The following C3orf49 variants were observed in gnomAD, a reference collection of about 807,000 sequenced individuals.
C3orf49 encodes the protein putative uncharacterized protein C3orf49.
Under a neutral mutation model 13.3 loss-of-function variants are expected in C3orf49, and 27 were observed. That is an observed-to-expected ratio of 2.02 (90% confidence interval 1.49 to 2.79). The LOEUF is 2.79. Among genes scored for constraint, C3orf49 ranks in the 30% most tolerant of loss-of-function variants. The probability of loss-of-function intolerance (pLI) is 0.00; values close to 1 mark genes in which losing one functional copy is unlikely to be tolerated. For synonymous variants in C3orf49, 87 were observed against 47.6 expected, an observed-to-expected ratio of 1.83 and a Z score of -3.40; for missense variants, 242 against 134.2, an observed-to-expected ratio of 1.80 and a Z score of -3.97.
chr3:63,835,253 A>G (rs1371593421), intron 5 of C3orf49: 1 of 1,612,868 alleles, frequency 6.2e-7, no homozygotes, highest in Non-Finnish European at 8.5e-7. Flanking sequence ...ATTTATACAA[A>G]TGACCTGTAT....
chr3:63,815,092 C>G (rs183621028), upstream of C3orf49, among the ~76,000 whole-genome samples: 1 of 152,256 alleles, frequency 6.6e-6, no homozygotes, highest in East Asian at 1.9e-4. Context: ...CTTGCTATCA[C>G]GAGGACAGTA....
chr3:63,843,994 C>T (rs1443673525), intron 5 of C3orf49, among the ~76,000 whole-genome samples: 2 of 151,924 alleles, frequency 1.3e-5, no homozygotes, highest in African/African-American at 2.4e-5. Context: ...CACATACATA[C>T]ATAAACAATG....
At chr3:63,788,741 CA>C in the C3orf49 span, among the ~76,000 whole-genome samples, 2 of 145,982 alleles carry the variant, frequency 1.4e-5, no homozygotes, top group South Asian at 2.3e-4. Flanking sequence ...AAAAAAAAAA[CA>C]AAAAAAACTG....
At chr3:63,820,212 T>A (rs1701376160) in intron 1 of C3orf49, among the ~76,000 whole-genome samples, 1 of 152,160 alleles carries the variant, frequency 6.6e-6, no homozygotes, top group African/African-American at 2.4e-5. Context: ...GGGCTATAGT[T>A]CAGACATGTA....
chr3:63,835,473 T>C (rs1261363034), intron 5 of C3orf49: 22 of 1,253,158 alleles, frequency 1.8e-5, no homozygotes, highest in Non-Finnish European at 2.3e-5. Context: ...AGTTACTAGA[T>C]AGGATTTTTA....
At chr3:63,805,784 T>C in the C3orf49 span, among the ~76,000 whole-genome samples, 1 of 152,122 alleles carries the variant, frequency 6.6e-6, no homozygotes. Flanking sequence ...CATCCTCTGC[T>C]TCAGAGGGAA....
chr3:63,841,433 A>G (rs1701758245), intron 5 of C3orf49, among the ~76,000 whole-genome samples: 1 of 152,244 alleles, frequency 6.6e-6, no homozygotes, highest in East Asian at 1.9e-4. Flanking sequence ...TAAAGTGTGA[A>G]TAATTCCTGG....
At chr3:63,799,787 G>T in the C3orf49 span, among the ~76,000 whole-genome samples, 7 of 152,274 alleles carry the variant, frequency 4.6e-5, no homozygotes, top group Admixed American at 2.6e-4. Context: ...GTGATTTGCA[G>T]TAGTAGAGTA....
intron 3 of C3orf49, among the ~76,000 whole-genome samples, chr3:63,828,392 T>C (rs905427909): frequency 6.6e-6 from 1 of 152,158 alleles, no homozygotes; most frequent in Non-Finnish European, 1.5e-5. Flanking sequence ...CTCCGTCTCC[T>C]GGGTTTAAGT....
chr3:63,789,460 T>C, the C3orf49 span, among the ~76,000 whole-genome samples: 3 of 152,128 alleles, frequency 2.0e-5, no homozygotes, highest in Non-Finnish European at 4.4e-5. Context: ...ACTTTGAATC[T>C]TCATTTTGGG....
At chr3:63,782,074 A>G in the C3orf49 span, among the ~76,000 whole-genome samples, 7 of 152,210 alleles carry the variant, frequency 4.6e-5, 1 homozygote, top group East Asian at 3.9e-4. Flanking sequence ...CTTATAGTGA[A>G]TCACTGTTGA....
the C3orf49 span, among the ~76,000 whole-genome samples, chr3:63,790,572 A>C: frequency 2.0e-5 from 3 of 147,990 alleles, no homozygotes; most frequent in Non-Finnish European, 3.0e-5. Flanking sequence ...AGCCAAGTCT[A>C]GGATCTTGCT....
the C3orf49 span, chr3:63,782,909 A>C: frequency 6.6e-6 from 1 of 152,244 alleles, no homozygotes; most frequent in Non-Finnish European, 1.5e-5. Context: ...TGTTAAGAAC[A>C]CTTCAAAACA....
chr3:63,826,511 T>C (rs1701466039), intron 2 of C3orf49, among the ~76,000 whole-genome samples: 1 of 152,100 alleles, frequency 6.6e-6, no homozygotes, highest in Non-Finnish European at 1.5e-5. Flanking sequence ...CATTCACTAA[T>C]ATAAGGAGCA....
intron 5 of C3orf49, chr3:63,835,292 A>T (rs1211963669): frequency 6.2e-7 from 1 of 1,612,908 alleles, no homozygotes; most frequent in Non-Finnish European, 8.5e-7. Context: ...ACAGATAGAC[A>T]GATCATGAAG....
chr3:63,780,557 C>T, the C3orf49 span, among the ~76,000 whole-genome samples: 8 of 152,166 alleles, frequency 5.3e-5, no homozygotes, highest in African/African-American at 7.2e-5. Flanking sequence ...CCTGAGGAAT[C>T]GCCACACTGA....
chr3:63,797,405 T>C, the C3orf49 span, among the ~76,000 whole-genome samples: 1 of 152,162 alleles, frequency 6.6e-6, no homozygotes, highest in Non-Finnish European at 1.5e-5. Context: ...TATTTCACCA[T>C]GATTCTCTTC....
Position 63,827,667 on chromosome 3 carries a change from G to A in C3orf49, c.512G>A (p.Arg171Gln), listed in dbSNP as rs771355150. ...ATAACCCAGGGAAACACACTCCTTC[G>A]GGCCAGGAGAACCACCAAGCGGTTA... ...EEITQGNTLL[R>Q]ARRTTKRLSV... Residue 171 changes from arginine to glutamine, a missense_variant, in exon 3 of 7, where the codon CGG (arginine) becomes CAG (glutamine). Arg to Gln is a conservative substitution (Grantham distance 43). Coordinates refer to ENST00000295896, the MANE Select transcript of C3orf49 (RefSeq NM_001355236.2). 2.0e-5 allele frequency: 14 copies of A among 702,946 alleles called. No homozygotes were observed. The highest frequency in any genetic ancestry group is 3.1e-5 in the Non-Finnish European group (12 of 385,034). 43.5% of individuals were successfully genotyped at this position (702,946 alleles called of 1,614,324 possible). A position where few individuals can be genotyped will look rare whatever the true frequency, so the allele number is the denominator to read the frequency against.
chr3:63,831,006 A>C (rs1000234474), intron 3 of C3orf49, 104 bp from the exon 4 acceptor site: 1 of 617,314 alleles, frequency 1.6e-6, no homozygotes, highest in African/African-American at 1.8e-5. Context: ...GCAAATGTTC[A>C]GTTTATAAGA....
Sources: gnomAD v4.1 joint callset for allele counts (sites outside exome capture counted in the v4.1 genomes callset) on GRCh38, gnomAD v4.1.1 for gene constraint, MANE v1.5 for transcripts, NCBI Gene and HGNC (gene_info 2026-07-23, HGNC 2026-07-21) for gene names.